SLCO6A1: variants seen among roughly 807,000 people sequenced by gnomAD.
SLCO6A1 encodes cancer/testis antigen 48.
SLCO6A1 carries 65 observed loss-of-function variants against 72.7 expected under a neutral mutation model. The ratio of observed to expected loss-of-function variants is 0.89; its 90% confidence interval spans 0.73 to 1.10. SLCO6A1 has a LOEUF of 1.10. Ranked by LOEUF, SLCO6A1 falls within the 50% of genes least tolerant of loss-of-function variation. The pLI is 0.00. For missense variants in SLCO6A1, 874 were observed against 872.6 expected, an observed-to-expected ratio of 1.00 and a Z score of -0.02; for synonymous variants, 314 against 298.2, an observed-to-expected ratio of 1.05 and a Z score of -0.55.
At position 102,374,125 on chromosome 5, in the gene SLCO6A1, C is replaced by T. The variant is rs186383544; in HGVS notation, c.2018-631G>A. Among the ~76,000 whole-genome samples the T allele has an allele frequency of 5.6e-3, 853 of 151,896 alleles. 5 individuals are homozygous for T. The highest frequency in any genetic ancestry group is 0.01 in the Middle Eastern group (3 of 294). On this transcript the variant is annotated intron_variant, in intron 12 of 13. Coordinates refer to ENST00000506729, the MANE Select transcript of SLCO6A1 (RefSeq NM_173488.5). ...CGATCTTGGCTTACTGCAGCCTTGA[C>T]CTTCCCGGCTCAAGCGATCCTCCCA... is the stretch of plus-strand genomic sequence containing the variant.
intron 6 of SLCO6A1, among the ~76,000 whole-genome samples, chr5:102,457,992 A>G (rs948494433): frequency 2.6e-5 from 4 of 152,140 alleles, no homozygotes; most frequent in Non-Finnish European, 4.4e-5. Context: ...TCAGCAAACT[A>G]TTGCAAGAAC....
intron 1 of SLCO6A1, 50 bp downstream of exon 1, chr5:102,498,437 G>C (rs976748651): frequency 1.9e-6 from 3 of 1,549,574 alleles, no homozygotes; most frequent in South Asian, 1.2e-5. Flanking sequence ...GCCTCCGCCA[G>C]TGCGGCCCCA....
chr5:102,491,381 G>A (rs1435462400), intron 1 of SLCO6A1, among the ~76,000 whole-genome samples: 6 of 152,210 alleles, frequency 3.9e-5, no homozygotes, highest in East Asian at 3.9e-4. Context: ...AGTTCCGCAC[G>A]GTGCACCCGC....
At chr5:102,416,122 T>A (rs1346353328) in intron 8 of SLCO6A1, among the ~76,000 whole-genome samples, 1 of 152,102 alleles carries the variant, frequency 6.6e-6, no homozygotes, top group East Asian at 1.9e-4. Context: ...TGTAAATTAG[T>A]ACAACTTCTA....
intron 4 of SLCO6A1, among the ~76,000 whole-genome samples, chr5:102,463,827 A>G (rs183954339): frequency 1.8e-4 from 27 of 151,256 alleles, no homozygotes; most frequent in African/African-American, 5.8e-4. Context: ...TGGAGGTTGC[A>G]GTGAGTCGAG....
At chr5:102,459,806 G>C (rs1409838457) in intron 4 of SLCO6A1, 29 bp from the exon 5 acceptor site, 6 of 1,491,444 alleles carry the variant, frequency 4.0e-6, no homozygotes, top group South Asian at 2.5e-5. Flanking sequence ...AAAAAAAAAA[G>C]CAACTTTAGG....
chr5:102,447,113 T>A (rs916550514), intron 6 of SLCO6A1, among the ~76,000 whole-genome samples: 1 of 152,230 alleles, frequency 6.6e-6, no homozygotes, highest in Non-Finnish European at 1.5e-5. Flanking sequence ...TCTGCATCTA[T>A]CGAGATGATC....
intron 6 of SLCO6A1, among the ~76,000 whole-genome samples, chr5:102,455,023 T>TAAAA (rs1380357716): frequency 2.1e-5 from 1 of 46,614 alleles, no homozygotes; most frequent in African/African-American, 1.0e-4. Flanking sequence ...TATATATATA[T>TAAAA]ATATAAATTA....
chr5:102,377,632 G>GATAT (rs369555975), intron 12 of SLCO6A1, among the ~76,000 whole-genome samples: 80 of 150,384 alleles, frequency 5.3e-4, no homozygotes, highest in African/African-American at 1.8e-3. Context: ...AGTATTGTTT[G>GATAT]ATATATATAT....
At chr5:102,484,320 C>T (rs1228353125) in intron 1 of SLCO6A1, among the ~76,000 whole-genome samples, 1 of 152,042 alleles carries the variant, frequency 6.6e-6, no homozygotes, top group African/African-American at 2.4e-5. Flanking sequence ...TTTTGTTTCT[C>T]CTGGTTCAAT....
chr5:102,498,415 A>ACTCC (rs1386030311), intron 1 of SLCO6A1, 72 bp downstream of exon 1: 1 of 1,443,078 alleles, frequency 6.9e-7, no homozygotes, highest in Admixed American at 1.9e-5. Context: ...CCTCCGCCAT[A>ACTCC]CTCCCTCTCC....
chr5:102,407,947 T>TGGCATGTCTGGATTGCTGACCTTAGA (rs1244158538), intron 9 of SLCO6A1, among the ~76,000 whole-genome samples: 9 of 152,146 alleles, frequency 5.9e-5, no homozygotes, highest in Non-Finnish European at 1.5e-5. Flanking sequence ...CAGTCATGCA[T>TGGCATGTCTGGATTGCTGACCTTAGA]GGCATGTCTG....
intron 4 of SLCO6A1, among the ~76,000 whole-genome samples, chr5:102,466,597 G>A (rs190824511): frequency 1.1e-4 from 16 of 152,054 alleles, no homozygotes; most frequent in East Asian, 1.9e-4. Flanking sequence ...AGGAATTACC[G>A]CACTGTCTTC....
intron 12 of SLCO6A1, among the ~76,000 whole-genome samples, chr5:102,376,822 T>C (rs993065409): frequency 3.5e-4 from 54 of 152,190 alleles, no homozygotes; most frequent in Admixed American, 6.5e-4. Context: ...AATTCCACTT[T>C]TGGGGATTTA....
chr5:102,438,343 G>T (rs1749657554), intron 7 of SLCO6A1, among the ~76,000 whole-genome samples: 1 of 151,986 alleles, frequency 6.6e-6, no homozygotes, highest in Non-Finnish European at 1.5e-5. Flanking sequence ...GTACAAACAT[G>T]CATGGGAATG....
intron 8 of SLCO6A1, among the ~76,000 whole-genome samples, 184 bp downstream of exon 8, chr5:102,419,642 T>C (rs1205417210): frequency 6.6e-6 from 1 of 152,224 alleles, no homozygotes; most frequent in East Asian, 1.9e-4. Flanking sequence ...TATAAAAAGA[T>C]ACCATTATAA....
Position 102,458,390 on chromosome 5 carries a change from C to G in SLCO6A1, c.1123G>C (p.Ala375Pro), listed in dbSNP as rs1750850311. ...AAAATATTTTACTTTACCCAAAGAGCAGCACATAAATCCTTGATATTAGTT... is the reference window on the plus strand; with the variant it reads ...AAAATATTTTACTTTACCCAAAGAGGAGCACATAAATCCTTGATATTAGTT... Reference protein sequence around the residue: ...LGTNIKDLCAALWILMKNPVL... With the variant: ...LGTNIKDLCAPLWILMKNPVL... Residue 375 changes from alanine (A) to proline (P), a missense_variant, in exon 6 of 14, where the codon GCT (alanine) becomes CCT (proline). Transcript: ENST00000506729. 5 of 1,604,982 alleles carry G rather than the reference C, an allele frequency of 3.1e-6. No homozygotes were observed. The African/African-American group carries it at 5.4e-5, about 17-fold the overall frequency.
intron 4 of SLCO6A1, among the ~76,000 whole-genome samples, chr5:102,467,615 G>C (rs1751377940): frequency 6.6e-6 from 1 of 152,012 alleles, no homozygotes; most frequent in Admixed American, 6.6e-5. Context: ...TTTGTGTAGG[G>C]ACACAGCCAA....
Position 102,419,330 on chromosome 5 carries a change from G to A in SLCO6A1, c.1472+496C>T, listed in dbSNP as rs374740956. Among the ~76,000 whole-genome samples, 7 of 152,186 alleles carry A rather than the reference G, an allele frequency of 4.6e-5. No individual in the cohort carries two copies. In the East Asian group the frequency reaches 9.7e-4, roughly 21 times the overall value. On this transcript the variant is annotated intron_variant, in intron 8 of 13. Coordinates refer to ENST00000506729, the MANE Select transcript of SLCO6A1 (RefSeq NM_173488.5). ...CTTATTTTACTTGTTCAGTCCTTTG[G>A]TTTCCAATTCCAGTTTTGTTATTTA... is the stretch of plus-strand genomic sequence containing the variant.
Sources: gnomAD v4.1 joint callset for allele counts (sites outside exome capture counted in the v4.1 genomes callset) on GRCh38, gnomAD v4.1.1 for gene constraint, MANE v1.5 for transcripts, NCBI Gene and HGNC (gene_info 2026-07-23, HGNC 2026-07-21) for gene names.